TRIM59: variants seen among roughly 807,000 people sequenced by gnomAD.
TRIM59 encodes tripartite motif-containing protein 59.
A neutral mutation model predicts 32.2 loss-of-function variants in TRIM59; 14 were observed. The observed-to-expected ratio is 0.43, with a 90% CI of 0.29 to 0.68. The LOEUF (loss-of-function observed/expected upper bound fraction) is 0.68. Among genes scored for constraint, TRIM59 ranks in the 30% least tolerant of loss-of-function variants. The pLI is 0.15. For missense variants in TRIM59, 471 were observed against 463.3 expected, an observed-to-expected ratio of 1.02 and a Z score of -0.15; for synonymous variants, 163 against 155.1, an observed-to-expected ratio of 1.05 and a Z score of -0.38.
chr3:160,441,820 C>T (rs1028508202), intron 2 of TRIM59, among the ~76,000 whole-genome samples: 4 of 151,380 alleles, frequency 2.6e-5, no homozygotes, highest in African/African-American at 4.8e-5. Context: ...ATTCAGATCC[C>T]GAATGAGCCA....
rs1181008304 is a variant in TRIM59 at position 160,437,717 on chromosome 3, A to G, written c.*255T>C. 1 of 1,121,180 alleles carries G rather than the reference A, an allele frequency of 8.9e-7. No homozygotes were observed. 69.5% of individuals were successfully genotyped at this position (1,121,180 alleles called of 1,614,324 possible). A position where few individuals can be genotyped will look rare whatever the true frequency, so the allele number is the denominator to read the frequency against. On this transcript the variant is annotated 3_prime_UTR_variant, in exon 3 of 3. Transcript: ENST00000309784. ...TAAATGTCACAGCAACATTATGTCA[A>G]CCATCATAAAGCCAATAAAAATGGG...
chr3:160,438,992 T>G lies in TRIM59; in HGVS notation c.192A>C (p.Glu64Asp), dbSNP rs371391358. 5 of 1,613,982 alleles carry G rather than the reference T, an allele frequency of 3.1e-6. No individual in the cohort carries two copies. Among genetic ancestry groups the G allele is most frequent in the Non-Finnish European group, 4.2e-6 (5 of 1,179,938 alleles). Residue 64 changes from glutamate (E) to aspartate (D), a missense_variant, in exon 3 of 3, where the codon GAA (glutamate) becomes GAC (aspartate). Physicochemically the swap from Glu to Asp is conservative, Grantham distance 45. Coordinates refer to ENST00000309784, the MANE Select transcript of TRIM59 (RefSeq NM_173084.3). ...AAGATTCAATGCCAGTTGGAGCAAT[T>G]TCAGTAATACTTCTGCAATTAGGGC... The part of the protein sequence containing the change: ...LKCPNCRSIT[E>D]IAPTGIESLP...
In TRIM59 at chr3:160,439,680, G is replaced by A. The variant is rs140850392; in HGVS notation, c.-3-494C>T. 6.8e-4 allele frequency among the ~76,000 whole-genome samples: 104 copies of A among 152,206 alleles called. No homozygotes were observed. In the East Asian group the frequency reaches 0.015, roughly 22 times the overall value. On this transcript the variant is annotated intron_variant, in intron 2 of 2. Coordinates refer to ENST00000309784, the MANE Select transcript of TRIM59 (RefSeq NM_173084.3). ...CACTCATTCTCTTTTCTTGTCTGCC[G>A]CCATGTGAGACGTGCCTTTCACCTT...
At chr3:160,446,480 G>A (rs1466412787) in intron 2 of TRIM59, among the ~76,000 whole-genome samples, 6 of 150,736 alleles carry the variant, frequency 4.0e-5, no homozygotes, top group Non-Finnish European at 7.4e-5. Flanking sequence ...ATTCAATAAC[G>A]AAAAATCTAT....
Position 160,438,286 on chromosome 3 carries a change from C to A in TRIM59, c.898G>T (p.Val300Phe). The change falls in exon 3 of 3, where the codon GTT becomes TTT. Residue 300 changes from valine to phenylalanine, a missense_variant. Coordinates refer to ENST00000309784, the MANE Select transcript of TRIM59 (RefSeq NM_173084.3). ...GAAATTTTCATTTTGGGAATGAGAA[C>A]GTTCTTAATTTGTCCAATTTCTGTT... is the stretch of plus-strand genomic sequence containing the variant. Reference protein sequence around the residue: ...SRTEIGQIKNVLIPKMKISPK... With the variant: ...SRTEIGQIKNFLIPKMKISPK... 6.2e-7 allele frequency: 1 copy of A among 1,613,712 alleles called. No homozygotes were observed. Among genetic ancestry groups the A allele is most frequent in the African/African-American group, 1.3e-5 (1 of 75,016 alleles).
At chr3:160,440,722 A>G (rs1364974746) in intron 2 of TRIM59, among the ~76,000 whole-genome samples, 1 of 151,952 alleles carries the variant, frequency 6.6e-6, no homozygotes, top group Admixed American at 6.6e-5. Context: ...GACCAGCCTG[A>G]CCAACATGGA....
rs541034976 is a variant in TRIM59, at chr3:160,436,723, G to A, written c.*1249C>T. 7.0e-4 allele frequency: 434 copies of A among 624,032 alleles called. 4 individuals carry two copies. The African/African-American group carries it at 8.1e-3, about 12-fold the overall frequency. 38.7% of individuals were successfully genotyped at this position (624,032 alleles called of 1,614,324 possible). ...TGAGGCAGGAGAATGGTGTGAACCC[G>A]GGAGGCGGGGCTTGCAATGAGCCGA... On this transcript the variant is annotated 3_prime_UTR_variant, in exon 3 of 3. Transcript: ENST00000309784.
chr3:160,437,200 T>C lies in TRIM59; in HGVS notation c.*772A>G, dbSNP rs909465253. On this transcript the variant is annotated 3_prime_UTR_variant, in exon 3 of 3. Transcript: ENST00000309784. ...AACCTCGTTTCTACAAAAAACAATT[T>C]TTTTAATTAGCCAGGCATGGGGGTG... The C allele has an allele frequency of 8.2e-6, 5 of 612,218 alleles. No individual in the cohort carries two copies. Among genetic ancestry groups the C allele is most frequent in the Non-Finnish European group, 1.0e-5 (5 of 489,288 alleles). The allele number at this position is 612,218 out of a possible 1,614,324, so 37.9% of individuals were successfully genotyped here.
chr3:160,448,563 T>C (rs1487687164), intron 2 of TRIM59, among the ~76,000 whole-genome samples, 163 bp downstream of exon 2: 1 of 152,246 alleles, frequency 6.6e-6, no homozygotes, highest in Non-Finnish European at 1.5e-5. Flanking sequence ...TTGTTTATTT[T>C]TCACTTTATG....
intron 2 of TRIM59, chr3:160,447,771 G>T (rs1416628036): frequency 6.6e-6 from 1 of 152,216 alleles, no homozygotes; most frequent in Non-Finnish European, 1.5e-5. Context: ...CTTCTAGTGA[G>T]TCAGCTTTAA....
intron 2 of TRIM59, among the ~76,000 whole-genome samples, chr3:160,442,483 C>T (rs1292350185): frequency 3.3e-5 from 5 of 151,090 alleles, no homozygotes; most frequent in Non-Finnish European, 2.9e-5. Context: ...CCCAGCTACT[C>T]GGGAAGCTGA....
At position 160,438,856 on chromosome 3, in the gene TRIM59, G is replaced by T; in HGVS notation, c.328C>A (p.Leu110Ile). ...CCACAAACTAATTTTTTATCTAATA[G>T]ACAGTAAACATTTAATGGTTGCCTG... ...HYRQPLNVYCLLDKKLVCGHC... is the reference protein window; with the variant it reads ...HYRQPLNVYCILDKKLVCGHC... Residue 110 changes from leucine to isoleucine, a missense_variant, in exon 3 of 3, where the codon CTA becomes ATA. Coordinates refer to ENST00000309784, the MANE Select transcript of TRIM59 (RefSeq NM_173084.3). 1 of 1,613,876 alleles carries T rather than the reference G, an allele frequency of 6.2e-7. No homozygotes were observed. The highest frequency in any genetic ancestry group is 8.5e-7 in the Non-Finnish European group (1 of 1,179,908).
chr3:160,442,977 G>A, intron 2 of TRIM59, among the ~76,000 whole-genome samples: 1 of 152,138 alleles, frequency 6.6e-6, no homozygotes. Context: ...ACATTAGTCA[G>A]GCACAGTGAT....
chr3:160,446,325 A>G lies in TRIM59; in HGVS notation c.-4+2401T>C, dbSNP rs189224969. ...ATAACATGATTCCAAAACCTGAGAC[A>G]ATACAAACTAAAAATGGACTAATTT... On this transcript the variant is annotated intron_variant, in intron 2 of 2. Transcript: ENST00000309784. Among the ~76,000 whole-genome samples the G allele has an allele frequency of 2.6e-5, 4 of 152,322 alleles. No individual in the cohort carries two copies. The East Asian group carries it at 7.7e-4, about 29-fold the overall frequency.
chr3:160,439,072 G>C lies in TRIM59; in HGVS notation c.112C>G (p.Leu38Val), dbSNP rs1719115450. The C allele has an allele frequency of 3.3e-5, 51 of 1,563,724 alleles. No homozygotes were observed. Among genetic ancestry groups the C allele is most frequent in the Non-Finnish European group, 4.4e-5 (51 of 1,156,960 alleles). The change falls in exon 3 of 3, where the codon CTT becomes GTT. Residue 38 changes from leucine to valine, a missense_variant. Coordinates refer to ENST00000309784, the MANE Select transcript of TRIM59 (RefSeq NM_173084.3). ...ATATAAAAGTTACCAGATGCCTGAA[G>C]AATGTTTTCCAAACAATTTCTACAA... ...TFCRNCLENI[L>V]QASGNFYIWR...
Position 160,438,943 on chromosome 3 carries a change from C to A in TRIM59, c.241G>T (p.Ala81Ser). The A allele has an allele frequency of 6.2e-7, 1 of 1,614,044 alleles. No individual in the cohort carries two copies. ...ESLPVNFALR[A>S]IIEKYQQEDH... ...TCTTGCTGGTACTTTTCAATAATAG[C>A]CCTTAGTGCAAAATTAACAGGTAAA... The change falls in exon 3 of 3, where the codon GCT (alanine) becomes TCT (serine). Residue 81 changes from alanine (A) to serine (S), a missense_variant. Ala to Ser is a moderately conservative substitution (Grantham distance 99, BLOSUM62 1). Transcript: ENST00000309784.
At chr3:160,445,338 C>G (rs1030195471) in intron 2 of TRIM59, among the ~76,000 whole-genome samples, 2 of 152,030 alleles carry the variant, frequency 1.3e-5, no homozygotes, top group Non-Finnish European at 2.9e-5. Flanking sequence ...ATTGCTTGAG[C>G]CTGGGAGGTC....
intron 1 of TRIM59, chr3:160,449,504 G>A (rs1719708528): frequency 8.3e-7 from 1 of 1,209,518 alleles, no homozygotes; most frequent in Non-Finnish European, 1.1e-6. Context: ...CTCCCTCACA[G>A]GAACGCAGCT....
chr3:160,438,104 AG>A lies in TRIM59; in HGVS notation c.1079del (p.Thr360IlefsTer2). 5 of 1,612,886 alleles carry A rather than the reference AG, an allele frequency of 3.1e-6. No individual in the cohort carries two copies. The highest frequency in any genetic ancestry group is 4.2e-6 in the Non-Finnish European group (5 of 1,179,666). On this transcript the variant is annotated frameshift_variant, in exon 3 of 3. Coordinates refer to ENST00000309784, the MANE Select transcript of TRIM59 (RefSeq NM_173084.3). LOFTEE classifies it high-confidence loss of function. ...QHIITFLSEITLIWFSEASLS... is the reference protein window; with the variant it reads ...QHIITFLSEIXLIWFSEASLS... ...GAGAGGCTTCAGAAAACCATATTAA[AG>A]TGATTTCACTTAAAAAGGTTATGAT...
Sources: gnomAD v4.1 joint callset for allele counts (sites outside exome capture counted in the v4.1 genomes callset) on GRCh38, gnomAD v4.1.1 for gene constraint, MANE v1.5 for transcripts, NCBI Gene and HGNC (gene_info 2026-07-23, HGNC 2026-07-21) for gene names.